Variants in KMT2C observed in about 807,000 individuals in gnomAD.
KMT2C encodes lysine methyltransferase 2C, also known as histone-lysine N-methyltransferase 2C.
A neutral mutation model predicts 507.9 loss-of-function variants in KMT2C; 88 were observed. The ratio of observed to expected loss-of-function variants is 0.17; its 90% CI spans 0.15 to 0.21. The LOEUF is 0.21. KMT2C is among the 10% of genes least tolerant of loss of function. The pLI is 1.00. For synonymous variants in KMT2C, 2,049 were observed against 2,080.8 expected, an observed-to-expected ratio of 0.98 and a Z score of 0.42; for missense variants, 4,954 against 5,957.8, an observed-to-expected ratio of 0.83 and a Z score of 5.55.
chr7:152,177,619 G>T lies in KMT2C; in HGVS notation c.7834C>A (p.Pro2612Thr), dbSNP rs779380989. Reference sequence around the variant, plus strand: ...GGTAGCTGATTAGGTAGACCCTGGGGAGGTCGTCGCATGGGGTCTGTGTGT... The same window carrying T: ...GGTAGCTGATTAGGTAGACCCTGGGTAGGTCGTCGCATGGGGTCTGTGTGT... The part of the protein sequence containing the change: ...PRHTDPMRRP[P>T]QGLPNQLPVH... The change falls in exon 38 of 59, where the codon CCC becomes ACC. Residue 2612 changes from proline (P) to threonine (T), a missense_variant. Physicochemically the swap from Pro to Thr is conservative, Grantham distance 38. This residue lies in a region of KMT2C where 1,689 missense variants were observed against 1,654.3 expected (regional missense o/e 1.02). Transcript: ENST00000262189. 1.9e-6 allele frequency: 3 copies of T among 1,614,152 alleles called. No homozygotes were observed. The highest frequency in any genetic ancestry group is 2.5e-6 in the Non-Finnish European group (3 of 1,180,024).
intron 1 of KMT2C, among the ~76,000 whole-genome samples, chr7:152,414,515 C>T (rs1452826177): frequency 4.6e-5 from 7 of 151,702 alleles, no homozygotes; most frequent in African/African-American, 1.7e-4. Context: ...GCAACAAGCA[C>T]GAAACTCTGT....
At chr7:152,250,763 G>T in intron 12 of KMT2C, 90 bp downstream of exon 12, 2 of 713,178 alleles carry the variant, frequency 2.8e-6, no homozygotes, top group South Asian at 1.8e-5. Context: ...CTGCATCTTG[G>T]CTTTTACTGA....
intron 6 of KMT2C, among the ~76,000 whole-genome samples, chr7:152,278,335 C>G (rs2096128203): frequency 6.6e-6 from 1 of 151,884 alleles, no homozygotes; most frequent in South Asian, 2.1e-4. Context: ...GGCTGGAGTG[C>G]AGTGGCCTGA....
chr7:152,203,493 A>G (rs2094206157), intron 25 of KMT2C, among the ~76,000 whole-genome samples: 1 of 152,170 alleles, frequency 6.6e-6, no homozygotes, highest in Non-Finnish European at 1.5e-5. Flanking sequence ...CCTTTAATAC[A>G]GCAATTCCAA....
chr7:152,176,807 G>A lies in KMT2C; in HGVS notation c.8646C>T (p.Thr2882=), dbSNP rs985108512. 1.9e-6 allele frequency: 3 copies of A among 1,614,014 alleles called. No individual in the cohort carries two copies. Among genetic ancestry groups the A allele is most frequent in the Admixed American group, 3.3e-5 (2 of 60,006 alleles). Reference sequence around the variant, plus strand: ...CACTGGGGCCAGCAGTTTCTCGATTGGTTCTTTTCTCAAATAGATCTGGAT... The same window carrying A: ...CACTGGGGCCAGCAGTTTCTCGATTAGTTCTTTTCTCAAATAGATCTGGAT... The part of the protein sequence containing the change: ...PCDPDLFEKR[T]NRETAGPSAN... Residue 2882 remains threonine (T), a synonymous_variant, in exon 38 of 59, where the codon ACC becomes ACT. Transcript: ENST00000262189.
At chr7:152,245,338 C>T (rs2095453496) in intron 14 of KMT2C, among the ~76,000 whole-genome samples, 1 of 152,120 alleles carries the variant, frequency 6.6e-6, no homozygotes, top group Non-Finnish European at 1.5e-5. Context: ...AGGCAGCCAC[C>T]ATCATATGTG....
chr7:152,148,172 C>G lies in KMT2C; in HGVS notation c.13755G>C (p.Leu4585=). The change falls in exon 52 of 59, where the codon CTG becomes CTC. Residue 4585 remains leucine (L), a synonymous_variant. Transcript: ENST00000262189. This position sits in a 1 kb window ranked among gnomAD's most constrained non-coding sequence, Gnocchi z 7.1. The part of the protein sequence containing the change: ...LFPVGYEASR[L]YWSTRYANRR... ...TATTGGCATAGCGAGTGCTCCAGTA[C>G]AGCCGGCTGGCTTCATAGCCCACAG... 1 of 1,614,238 alleles carries G rather than the reference C, an allele frequency of 6.2e-7. No individual in the cohort carries two copies. Among genetic ancestry groups the G allele is most frequent in the Non-Finnish European group, 8.5e-7 (1 of 1,180,018 alleles).
At chr7:152,146,111 C>T (rs1041352149) in intron 53 of KMT2C, among the ~76,000 whole-genome samples, 2 of 150,916 alleles carry the variant, frequency 1.3e-5, no homozygotes. Flanking sequence ...CACTGACAAA[C>T]AGGCTTGTAA....
At chr7:152,361,121 C>T (rs2129233895) in intron 1 of KMT2C, among the ~76,000 whole-genome samples, 1 of 151,946 alleles carries the variant, frequency 6.6e-6, no homozygotes, top group South Asian at 2.1e-4. Flanking sequence ...TCAAACTTCA[C>T]AGGGGGAAAG....
At chr7:152,279,977 A>G (rs1235410009) in intron 6 of KMT2C, among the ~76,000 whole-genome samples, 4 of 152,302 alleles carry the variant, frequency 2.6e-5, no homozygotes, top group Non-Finnish European at 4.4e-5. Flanking sequence ...GGATAATGCC[A>G]TTAATATATT....
At chr7:152,187,551 TA>T (rs2093662582) in intron 32 of KMT2C, 75 bp from the exon 33 acceptor site, 2 of 1,448,702 alleles carry the variant, frequency 1.4e-6, no homozygotes, top group Non-Finnish European at 9.5e-7. Flanking sequence ...TAGCTTTCAT[TA>T]AAACCTATTA....
intron 1 of KMT2C, among the ~76,000 whole-genome samples, chr7:152,374,841 G>A (rs1412914732): frequency 6.8e-6 from 1 of 147,030 alleles, no homozygotes; most frequent in Non-Finnish European, 1.5e-5. Flanking sequence ...CGAGATCGCA[G>A]CATTGTACTC....
At chr7:152,156,162 G>A (rs754492730) in intron 45 of KMT2C, 43 bp downstream of exon 45, 8 of 1,604,174 alleles carry the variant, frequency 5.0e-6, no homozygotes, top group South Asian at 2.2e-5. Context: ...ACTGGCAGAG[G>A]CACATTTCTC....
chr7:152,143,673 G>C (rs2090827056), intron 55 of KMT2C, among the ~76,000 whole-genome samples: 1 of 152,176 alleles, frequency 6.6e-6, no homozygotes, highest in African/African-American at 2.4e-5. Context: ...CGATGCTCCA[G>C]GTTGAAAGGG....
chr7:152,388,859 C>T (rs1364923149), intron 1 of KMT2C, among the ~76,000 whole-genome samples: 5 of 152,276 alleles, frequency 3.3e-5, no homozygotes, highest in Non-Finnish European at 5.9e-5. Context: ...AGCGATTCTC[C>T]TGCCTCAGCC....
chr7:152,322,636 T>C (rs1224328867), intron 3 of KMT2C, among the ~76,000 whole-genome samples: 5 of 151,988 alleles, frequency 3.3e-5, no homozygotes, highest in Non-Finnish European at 5.9e-5. Context: ...GAAAGTTCCA[T>C]GTGGGCAATA....
chr7:152,355,142 A>G (rs1357183442), intron 2 of KMT2C, among the ~76,000 whole-genome samples: 1 of 152,168 alleles, frequency 6.6e-6, no homozygotes, highest in Non-Finnish European at 1.5e-5. Flanking sequence ...GAAAATGTGA[A>G]ATGTGAATGT....
At chr7:152,326,166 G>T (rs2096826869) in intron 3 of KMT2C, among the ~76,000 whole-genome samples, 1 of 151,976 alleles carries the variant, frequency 6.6e-6, no homozygotes, top group Admixed American at 6.6e-5. Context: ...TTCTTCATGG[G>T]TCCTTTGGCT....
intron 31 of KMT2C, among the ~76,000 whole-genome samples, chr7:152,188,605 C>CTTTTTTTTT (rs1217052972): frequency 1.1e-4 from 11 of 96,772 alleles, no homozygotes; most frequent in East Asian, 6.0e-4. Flanking sequence ...TGATTCTTTC[C>CTTTTTTTTT]TTTTTTTTTT....
Sources: allele counts gnomAD v4.1 joint callset (sites outside exome capture counted in the v4.1 genomes callset), GRCh38; gene constraint gnomAD v4.1.1; regional missense constraint gnomAD v4.1.1; non-coding constraint Gnocchi (gnomAD v3.1); transcripts MANE v1.5; gene names NCBI Gene and HGNC (gene_info 2026-07-23, HGNC 2026-07-21).